Variants in COL26A1 observed in about 807,000 individuals in gnomAD.
The protein encoded by COL26A1 is collagen alpha-1(XXVI) chain.
COL26A1 carries 41 observed loss-of-function variants against 59.3 expected under a neutral mutation model. The ratio of observed to expected loss-of-function variants is 0.69; its 90% confidence interval spans 0.54 to 0.90. The LOEUF (loss-of-function observed/expected upper bound fraction) is 0.90, where lower values mean the gene tolerates loss of function less well. Among genes scored for constraint, COL26A1 ranks in the 40% least tolerant of loss-of-function variants. The pLI is 0.00. For missense variants in COL26A1, 612 were observed against 602.3 expected, an observed-to-expected ratio of 1.02 and a Z score of -0.17; for synonymous variants, 266 against 256.0, an observed-to-expected ratio of 1.04 and a Z score of -0.37.
In COL26A1 at chr7:101,417,708, A is replaced by G. The variant is rs1475567333; in HGVS notation, c.159-2269A>G. On this transcript the variant is annotated intron_variant, in intron 1 of 12. Transcript: ENST00000313669. ...GACATAGATATAGAGATATATCTAT[A>G]GATATCTATATCTATAATATATTTA... is the stretch of plus-strand genomic sequence containing the variant. 2.0e-5 allele frequency among the ~76,000 whole-genome samples: 3 copies of G among 147,868 alleles called. No homozygotes were observed. In the East Asian group the frequency reaches 6.0e-4, roughly 29 times the overall value.
chr7:101,436,809 G>C (rs1418244839), intron 2 of COL26A1, among the ~76,000 whole-genome samples: 1 of 151,896 alleles, frequency 6.6e-6, no homozygotes, highest in Admixed American at 6.6e-5. Flanking sequence ...TCCACCTCCT[G>C]ATTTCAAGCA....
chr7:101,368,170 T>C (rs562289691), intron 1 of COL26A1, among the ~76,000 whole-genome samples: 2 of 152,358 alleles, frequency 1.3e-5, no homozygotes, highest in African/African-American at 4.8e-5. Flanking sequence ...TCCTCCTCCT[T>C]CGTTTTCTAT....
chr7:101,371,956 C>T (rs1281081617), intron 1 of COL26A1, among the ~76,000 whole-genome samples: 1 of 152,140 alleles, frequency 6.6e-6, no homozygotes, highest in Non-Finnish European at 1.5e-5. Flanking sequence ...CTTTGTGCCT[C>T]AGTTTTCTCA....
chr7:101,555,468 G>A (rs1448527151), intron 11 of COL26A1, among the ~76,000 whole-genome samples: 1 of 152,186 alleles, frequency 6.6e-6, no homozygotes, highest in Non-Finnish European at 1.5e-5. Context: ...GGCAGCTATG[G>A]TGGAAGGAAA....
intron 1 of COL26A1, among the ~76,000 whole-genome samples, chr7:101,371,464 C>T (rs1164955930): frequency 6.8e-6 from 1 of 147,382 alleles, no homozygotes; most frequent in African/African-American, 2.5e-5. Flanking sequence ...GCTGGGACAA[C>T]ATAGCCAGAC....
intron 2 of COL26A1, among the ~76,000 whole-genome samples, chr7:101,440,143 A>T (rs919501322): frequency 1.3e-5 from 2 of 152,162 alleles, no homozygotes; most frequent in Admixed American, 6.5e-5. Flanking sequence ...AAGTGGGCAG[A>T]TCACCTGAGG....
chr7:101,497,356 A>G (rs1584463486), intron 3 of COL26A1, among the ~76,000 whole-genome samples: 1 of 152,286 alleles, frequency 6.6e-6, no homozygotes, highest in East Asian at 1.9e-4. Flanking sequence ...CTTGAAACCC[A>G]GGCGCTGGGC....
intron 2 of COL26A1, among the ~76,000 whole-genome samples, chr7:101,427,570 G>A (rs567626168): frequency 6.6e-6 from 1 of 152,086 alleles, no homozygotes; most frequent in African/African-American, 2.4e-5. Context: ...GCTGAGGCAT[G>A]AGAATCACTT....
chr7:101,455,449 G>A (rs1793446084), intron 3 of COL26A1, among the ~76,000 whole-genome samples: 4 of 151,296 alleles, frequency 2.6e-5, no homozygotes, highest in Middle Eastern at 3.4e-3. Context: ...ATCTTTTTCT[G>A]TGCTTGCATG....
intron 1 of COL26A1, among the ~76,000 whole-genome samples, chr7:101,390,484 A>G (rs10228454): frequency 0.062 from 9,387 of 152,148 alleles, 669 homozygotes; most frequent in African/African-American, 0.16. Context: ...GGAGGGCAGT[A>G]GTGCAATCAT....
intron 1 of COL26A1, among the ~76,000 whole-genome samples, chr7:101,390,320 G>T (rs1040583670): frequency 6.6e-6 from 1 of 151,806 alleles, no homozygotes; most frequent in African/African-American, 2.4e-5. Flanking sequence ...CTGTAATGGG[G>T]TTTCACCGTG....
At chr7:101,471,221 G>A (rs1417385330) in intron 3 of COL26A1, among the ~76,000 whole-genome samples, 1 of 152,132 alleles carries the variant, frequency 6.6e-6, no homozygotes, top group East Asian at 1.9e-4. Flanking sequence ...CTGTTCCCAT[G>A]CAATTAAGCA....
intron 1 of COL26A1, among the ~76,000 whole-genome samples, chr7:101,407,807 C>T (rs1261941236): frequency 6.6e-6 from 1 of 152,048 alleles, no homozygotes; most frequent in Non-Finnish European, 1.5e-5. Context: ...ACCTGATAAC[C>T]CAGCAGTTAG....
intron 7 of COL26A1, 148 bp from the exon 8 acceptor site, chr7:101,547,008 C>T (rs1218116340): frequency 3.5e-6 from 2 of 575,892 alleles, no homozygotes; most frequent in African/African-American, 1.9e-5. Flanking sequence ...GCAGTGGGGG[C>T]AACAGTATCT....
chr7:101,471,388 A>G (rs574463414), intron 3 of COL26A1, among the ~76,000 whole-genome samples: 4 of 152,248 alleles, frequency 2.6e-5, no homozygotes, highest in South Asian at 2.1e-4. Context: ...TGGATCTTAC[A>G]CAGGAAAGAA....
At chr7:101,524,567 T>C (rs1795202474) in intron 3 of COL26A1, among the ~76,000 whole-genome samples, 1 of 152,202 alleles carries the variant, frequency 6.6e-6, no homozygotes, top group Non-Finnish European at 1.5e-5. Context: ...ATCTTTATAA[T>C]ATTGAGTCTT....
At chr7:101,463,584 C>T (rs181562181) in intron 3 of COL26A1, among the ~76,000 whole-genome samples, 1,348 of 127,356 alleles carry the variant, frequency 0.011, 5 homozygotes, top group Non-Finnish European at 0.016. Context: ...TCCTTCCCTT[C>T]CCTTCCCTCC....
intron 3 of COL26A1, among the ~76,000 whole-genome samples, chr7:101,472,308 G>T (rs980836936): frequency 1.3e-5 from 2 of 152,182 alleles, no homozygotes; most frequent in Non-Finnish European, 2.9e-5. Flanking sequence ...GCTCAGCCTT[G>T]AAACTTATTT....
At chr7:101,556,098 G>A (rs565140806) in intron 12 of COL26A1, among the ~76,000 whole-genome samples, 1 of 152,300 alleles carries the variant, frequency 6.6e-6, no homozygotes, top group African/African-American at 2.4e-5. Flanking sequence ...GCCATGGTGG[G>A]CAGAGCCCTG....
Sources: allele counts gnomAD v4.1 joint callset (sites outside exome capture counted in the v4.1 genomes callset), GRCh38; gene constraint gnomAD v4.1.1; transcripts MANE v1.5; gene names NCBI Gene and HGNC (gene_info 2026-07-23, HGNC 2026-07-21).